ATP9B: variants seen among roughly 807,000 people sequenced by gnomAD.
ATP9B encodes the protein probable phospholipid-transporting ATPase IIB.
Under a neutral mutation model 146.1 loss-of-function variants are expected in ATP9B, and 110 were observed. The observed-to-expected ratio is 0.75, with a 90% CI of 0.65 to 0.88. The LOEUF is 0.88. ATP9B is among the 40% of genes least tolerant of loss of function. The pLI, the probability that ATP9B is intolerant of heterozygous loss-of-function variation, is 0.00. For synonymous variants in ATP9B, 604 were observed against 569.7 expected (o/e 1.06, Z -0.86); for missense variants, 1,499 against 1,496.4 (o/e 1.00, Z -0.03).
chr18:79,215,111 G>A (rs1485294847), intron 11 of ATP9B, among the ~76,000 whole-genome samples: 1 of 140,848 alleles, frequency 7.1e-6, no homozygotes, highest in African/African-American at 2.7e-5. Context: ...TCGCACCATT[G>A]CACTCCAGCC....
chr18:79,243,522 C>G (rs2095910247), intron 11 of ATP9B, among the ~76,000 whole-genome samples: 2 of 152,152 alleles, frequency 1.3e-5, no homozygotes, highest in African/African-American at 4.8e-5. Flanking sequence ...CACAATAAGC[C>G]AAGAAACACA....
intron 11 of ATP9B, among the ~76,000 whole-genome samples, chr18:79,247,487 C>T (rs1216223555): frequency 3.9e-5 from 6 of 152,090 alleles, no homozygotes; most frequent in Non-Finnish European, 8.8e-5. Flanking sequence ...CTCATGAAGC[C>T]CCCTTCAAAC....
At chr18:79,294,820 A>G (rs2096535937) in intron 13 of ATP9B, among the ~76,000 whole-genome samples, 1 of 152,104 alleles carries the variant, frequency 6.6e-6, no homozygotes, top group South Asian at 2.1e-4. Flanking sequence ...CGCCAAGAGG[A>G]GTGAAGTGAG....
At chr18:79,134,679 T>C (rs1332934025) in intron 5 of ATP9B, among the ~76,000 whole-genome samples, 2 of 150,820 alleles carry the variant, frequency 1.3e-5, no homozygotes, top group South Asian at 2.2e-4. Flanking sequence ...ATTTGTGATC[T>C]TTTATAAATT....
rs753284976 is a variant in ATP9B at position 79,126,294 on chromosome 18, C to T, written c.586C>T (p.Arg196Trp). 1.1e-5 allele frequency: 17 copies of T among 1,611,944 alleles called. No individual in the cohort carries two copies. The highest frequency in any genetic ancestry group is 2.2e-5 in the South Asian group (2 of 90,906). The change falls in exon 5 of 30, where the codon CGG becomes TGG. Residue 196 changes from arginine (R) to tryptophan (W), a missense_variant. Coordinates refer to ENST00000426216, the MANE Select transcript of ATP9B (RefSeq NM_198531.5). ...ATTTGTCTTGGCTGTTACTATGACA[C>T]GGGAAGCAATTGATGAATTTCGGCG... ...LGFVLAVTMT[R>W]EAIDEFRRFQ...
chr18:79,184,590 G>GT (rs1205836823), intron 8 of ATP9B, among the ~76,000 whole-genome samples: 9 of 152,072 alleles, frequency 5.9e-5, no homozygotes, highest in Admixed American at 5.9e-4. Flanking sequence ...ATTAAGGTAA[G>GT]TTTTATCATA....
chr18:79,323,895 G>A (rs1188435090), intron 15 of ATP9B, among the ~76,000 whole-genome samples: 1 of 152,194 alleles, frequency 6.6e-6, no homozygotes, highest in Non-Finnish European at 1.5e-5. Flanking sequence ...TCTCCAGAGG[G>A]CTGCACGAAT....
At chr18:79,190,054 G>T (rs552541893) in intron 8 of ATP9B, among the ~76,000 whole-genome samples, 1 of 152,304 alleles carries the variant, frequency 6.6e-6, no homozygotes, top group East Asian at 1.9e-4. Flanking sequence ...GCAGCAGCAG[G>T]AGGGGCTGCG....
intron 12 of ATP9B, among the ~76,000 whole-genome samples, chr18:79,262,270 A>G (rs1164000033): frequency 6.6e-6 from 1 of 152,116 alleles, no homozygotes; most frequent in Non-Finnish European, 1.5e-5. Context: ...TTTTTTTTAA[A>G]TATATTTTTC....
At chr18:79,234,316 A>G (rs1427834810) in intron 11 of ATP9B, among the ~76,000 whole-genome samples, 1 of 152,244 alleles carries the variant, frequency 6.6e-6, no homozygotes, top group Admixed American at 6.5e-5. Flanking sequence ...GAAATTTAGA[A>G]TGTGAAATTC....
intron 9 of ATP9B, among the ~76,000 whole-genome samples, chr18:79,193,834 G>A (rs542018573): frequency 5.0e-4 from 76 of 152,168 alleles, no homozygotes; most frequent in Non-Finnish European, 9.7e-4. Flanking sequence ...CATGACTATA[G>A]GTTATTTGTA....
chr18:79,209,228 T>C (rs1309386735), intron 10 of ATP9B, among the ~76,000 whole-genome samples: 1 of 152,226 alleles, frequency 6.6e-6, no homozygotes, highest in Non-Finnish European at 1.5e-5. Context: ...CACGAAAGCA[T>C]TTATGATACA....
chr18:79,076,655 T>C (rs1432284832), intron 1 of ATP9B, among the ~76,000 whole-genome samples: 1 of 152,220 alleles, frequency 6.6e-6, no homozygotes, highest in East Asian at 1.9e-4. Flanking sequence ...TTACCCTGTT[T>C]AGGGTTTGCT....
At chr18:79,342,435 T>C in intron 20 of ATP9B, 69 bp downstream of exon 20, 1 of 1,058,932 alleles carries the variant, frequency 9.4e-7, no homozygotes, top group South Asian at 1.4e-5. Flanking sequence ...CTATTGTTTT[T>C]GTCAGAATAT....
chr18:79,267,948 C>T (rs888476331), intron 12 of ATP9B, among the ~76,000 whole-genome samples: 6 of 152,154 alleles, frequency 3.9e-5, no homozygotes, highest in Non-Finnish European at 4.4e-5. Flanking sequence ...GTCAAAATCT[C>T]TCATCATTAT....
At chr18:79,285,310 A>G (rs1231118444) in intron 13 of ATP9B, among the ~76,000 whole-genome samples, 4 of 152,028 alleles carry the variant, frequency 2.6e-5, no homozygotes, top group Non-Finnish European at 5.9e-5. Flanking sequence ...AATGATTGCC[A>G]TTCTAACTGG....
At chr18:79,162,567 C>T (rs1342883848) in intron 7 of ATP9B, among the ~76,000 whole-genome samples, 1 of 152,206 alleles carries the variant, frequency 6.6e-6, no homozygotes, top group East Asian at 1.9e-4. Flanking sequence ...AGTACCTCAG[C>T]TGTCTGTCAC....
At chr18:79,077,555 T>G (rs1056496927) in intron 1 of ATP9B, among the ~76,000 whole-genome samples, 1 of 152,204 alleles carries the variant, frequency 6.6e-6, no homozygotes, top group Non-Finnish European at 1.5e-5. Flanking sequence ...GCTTTATTAC[T>G]GCTATTTGGG....
intron 12 of ATP9B, among the ~76,000 whole-genome samples, chr18:79,265,076 C>T (rs1417357645): frequency 6.6e-6 from 1 of 152,174 alleles, no homozygotes; most frequent in Non-Finnish European, 1.5e-5. Context: ...CCTCCAGCCT[C>T]CGACAGGCCC....
Sources: gnomAD v4.1 joint callset for allele counts (sites outside exome capture counted in the v4.1 genomes callset) on GRCh38, gnomAD v4.1.1 for gene constraint, MANE v1.5 for transcripts, NCBI Gene and HGNC (gene_info 2026-07-23, HGNC 2026-07-21) for gene names.